The following KDM5A variants were observed in gnomAD, a reference collection of about 807,000 sequenced individuals.
KDM5A encodes lysine-specific demethylase 5A.
KDM5A carries 42 observed loss-of-function variants against 193.5 expected under a neutral mutation model. That is an observed-to-expected ratio of 0.22 (90% CI 0.17 to 0.28). The LOEUF (loss-of-function observed/expected upper bound fraction) is 0.28, where lower values mean the gene tolerates loss of function less well. Among genes scored for constraint, KDM5A ranks in the 10% least tolerant of loss-of-function variants. KDM5A has a pLI of 1.00. For synonymous variants in KDM5A, 796 were observed against 718.1 expected (o/e 1.11, Z -1.73); for missense variants, 1,692 against 2,055.1 (o/e 0.82, Z 3.42).
intron 3 of KDM5A, among the ~76,000 whole-genome samples, chr12:378,887 A>G (rs551093098): frequency 6.7e-6 from 1 of 149,756 alleles, no homozygotes; most frequent in Non-Finnish European, 1.5e-5. Flanking sequence ...TGAACCCAGG[A>G]GGCGGAGCTT....
At chr12:325,088 T>C (rs954444235) in intron 14 of KDM5A, among the ~76,000 whole-genome samples, 3 of 152,226 alleles carry the variant, frequency 2.0e-5, no homozygotes, top group African/African-American at 4.8e-5. Context: ...CATCATACAC[T>C]GTTTTTGATA....
At chr12:301,240 G>A (rs1293184273) in intron 24 of KDM5A, among the ~76,000 whole-genome samples, 2 of 152,156 alleles carry the variant, frequency 1.3e-5, no homozygotes, top group Non-Finnish European at 2.9e-5. Context: ...GAGAATTTCA[G>A]GCTAATATCC....
intron 6 of KDM5A, among the ~76,000 whole-genome samples, 169 bp from the exon 7 acceptor site, chr12:355,418 C>A (rs1307723263): frequency 6.6e-6 from 1 of 152,158 alleles, no homozygotes; most frequent in Admixed American, 6.5e-5. Context: ...TGAGGTACAG[C>A]AAAGTTAGTA....
At chr12:381,875 C>G (rs76420173) in intron 3 of KDM5A, among the ~76,000 whole-genome samples, 1 of 152,132 alleles carries the variant, frequency 6.6e-6, no homozygotes, top group East Asian at 1.9e-4. Flanking sequence ...GGTGTGATGA[C>G]AGCTCACCGC....
At chr12:310,497 G>C (rs1019213126) in intron 21 of KDM5A, among the ~76,000 whole-genome samples, 1 of 152,108 alleles carries the variant, frequency 6.6e-6, no homozygotes, top group Admixed American at 6.5e-5. Flanking sequence ...AGCCAGGCAT[G>C]GTGTAGCATG....
intron 13 of KDM5A, 108 bp from the exon 14 acceptor site, chr12:329,137 C>A: frequency 1.1e-6 from 1 of 880,594 alleles, no homozygotes; most frequent in Non-Finnish European, 1.8e-6. Flanking sequence ...GACAGAATAC[C>A]AAATCCATTT....
At chr12:288,904 C>G (rs1346535800) in intron 27 of KDM5A, among the ~76,000 whole-genome samples, 1 of 152,226 alleles carries the variant, frequency 6.6e-6, no homozygotes, top group Non-Finnish European at 1.5e-5. Flanking sequence ...CACTCTAGCT[C>G]AACATCATGC....
intron 3 of KDM5A, among the ~76,000 whole-genome samples, chr12:375,797 C>CA (rs1366709303): frequency 6.6e-6 from 1 of 152,198 alleles, no homozygotes; most frequent in Non-Finnish European, 1.5e-5. Context: ...TTCCTTCTAA[C>CA]AGTCAGGACC....
At chr12:382,412 G>A (rs944401419) in intron 3 of KDM5A, among the ~76,000 whole-genome samples, 4 of 150,848 alleles carry the variant, frequency 2.7e-5, no homozygotes, top group Non-Finnish European at 2.9e-5. Context: ...GCAGTGAGCC[G>A]AGATGGCACC....
chr12:353,920 CAA>C (rs35599427), intron 8 of KDM5A, among the ~76,000 whole-genome samples, 154 bp downstream of exon 8: 8 of 120,730 alleles, frequency 6.6e-5, no homozygotes, highest in Admixed American at 8.7e-5. Context: ...GACACCATCT[CAA>C]AAAAAAAAAA....
At chr12:351,096 T>C (rs1253319595) in intron 9 of KDM5A, among the ~76,000 whole-genome samples, 1 of 152,210 alleles carries the variant, frequency 6.6e-6, no homozygotes, top group African/African-American at 2.4e-5. Context: ...ATTTTTTTAA[T>C]AGCTTCTATT....
chr12:368,993 A>T (rs1277832940), intron 3 of KDM5A, among the ~76,000 whole-genome samples: 1 of 152,150 alleles, frequency 6.6e-6, no homozygotes, highest in East Asian at 1.9e-4. Context: ...AATGTTTTCA[A>T]CTCTTGTGCT....
At chr12:373,049 TTC>T (rs1298857914) in intron 3 of KDM5A, among the ~76,000 whole-genome samples, 1 of 152,248 alleles carries the variant, frequency 6.6e-6, no homozygotes, top group Non-Finnish European at 1.5e-5. Flanking sequence ...TGGTCTAAAA[TTC>T]TCTTTTTTTG....
intron 24 of KDM5A, among the ~76,000 whole-genome samples, chr12:297,804 C>A (rs2137373140): frequency 6.6e-6 from 1 of 152,270 alleles, no homozygotes; most frequent in Middle Eastern, 3.4e-3. Context: ...TACTCCATAA[C>A]CAGCTGCAGA....
rs751322389 is a variant in KDM5A at position 323,647 on chromosome 12, G to A, written c.2103C>T (p.Tyr701=). 5 of 1,614,026 alleles carry A rather than the reference G, an allele frequency of 3.1e-6. No individual in the cohort carries two copies. In the Admixed American group the frequency reaches 8.3e-5, roughly 27 times the overall value. The change falls in exon 15 of 28, where the codon TAC becomes TAT. Residue 701 remains tyrosine (Y), a synonymous_variant. Transcript: ENST00000399788. ...SCNPERLVCL[Y]HPTDLCPCPM... ...GGCAGGGGCACAGATCAGTTGGATGGTAGAGACATACAAGCCGCTCAGGAT... is the reference window on the plus strand; with the variant it reads ...GGCAGGGGCACAGATCAGTTGGATGATAGAGACATACAAGCCGCTCAGGAT...
chr12:371,618 C>T (rs578222285), intron 3 of KDM5A, among the ~76,000 whole-genome samples: 7 of 152,200 alleles, frequency 4.6e-5, no homozygotes, highest in South Asian at 2.1e-4. Flanking sequence ...AATTAGATCC[C>T]ATTTGTCTAT....
intron 19 of KDM5A, among the ~76,000 whole-genome samples, chr12:317,275 T>C (rs1161996452): frequency 1.3e-5 from 2 of 152,164 alleles, no homozygotes; most frequent in Admixed American, 6.5e-5. Flanking sequence ...AAACTCAGTT[T>C]CTGAAATTTC....
chr12:351,559 C>T (rs540358199), intron 9 of KDM5A, among the ~76,000 whole-genome samples: 2 of 152,072 alleles, frequency 1.3e-5, no homozygotes, highest in Non-Finnish European at 2.9e-5. Flanking sequence ...CTAAGATATC[C>T]TAGGAAAAGA....
chr12:335,085 C>G (rs551612376), intron 10 of KDM5A, among the ~76,000 whole-genome samples: 3 of 151,952 alleles, frequency 2.0e-5, no homozygotes, highest in Non-Finnish European at 4.4e-5. Flanking sequence ...TACAAACACA[C>G]CTAGAAATAC....
Sources: allele counts gnomAD v4.1 joint callset (sites outside exome capture counted in the v4.1 genomes callset), GRCh38; gene constraint gnomAD v4.1.1; transcripts MANE v1.5; gene names NCBI Gene and HGNC (gene_info 2026-07-23, HGNC 2026-07-21).